The following TENM4 variants were observed in gnomAD, a reference collection of about 807,000 sequenced individuals.
TENM4 encodes the protein teneurin transmembrane protein 4, also known as teneurin-4.
A neutral mutation model predicts 243.3 loss-of-function variants in TENM4; 82 were observed. The ratio of observed to expected loss-of-function variants is 0.34; its 90% CI spans 0.28 to 0.40. TENM4 has a LOEUF of 0.40. TENM4 is among the 10% of genes least tolerant of loss of function. The probability of loss-of-function intolerance (pLI) is 1.00; values close to 1 mark genes in which losing one functional copy is unlikely to be tolerated. For missense variants in TENM4, 3,138 were observed against 3,673.3 expected (o/e 0.85, Z 3.77); for synonymous variants, 1,412 against 1,456.3 (o/e 0.97, Z 0.69).
chr11:79,032,551 T>C (rs1344686344), intron 6 of TENM4, among the ~76,000 whole-genome samples: 1 of 152,174 alleles, frequency 6.6e-6, no homozygotes, highest in African/African-American at 2.4e-5. Flanking sequence ...GTGATAGGCA[T>C]GAATGACGTG....
intron 4 of TENM4, among the ~76,000 whole-genome samples, chr11:79,101,229 A>C (rs1037347550): frequency 5.3e-5 from 8 of 152,246 alleles, no homozygotes; most frequent in Non-Finnish European, 1.2e-4. Flanking sequence ...AGAATATAAA[A>C]AATTTTCATA....
intron 1 of TENM4, among the ~76,000 whole-genome samples, chr11:79,339,436 A>T (rs1373129456): frequency 6.6e-6 from 1 of 152,178 alleles, no homozygotes; most frequent in Non-Finnish European, 1.5e-5. Flanking sequence ...GCAGTTCTGC[A>T]TCCTTCTTTA....
At chr11:78,814,247 AG>A in intron 13 of TENM4, 46 bp downstream of exon 13, 1 of 1,521,802 alleles carries the variant, frequency 6.6e-7, no homozygotes. Context: ...GAGCTGCCTG[AG>A]GGGTCTGGGA....
intron 1 of TENM4, among the ~76,000 whole-genome samples, chr11:79,311,678 A>G (rs1856724087): frequency 6.6e-6 from 1 of 152,010 alleles, no homozygotes; most frequent in Non-Finnish European, 1.5e-5. Flanking sequence ...CTCTCCCATG[A>G]ACCTCCCTCC....
At chr11:78,668,831 A>G (rs1858230173) in intron 32 of TENM4, 106 bp downstream of exon 32, 4 of 1,375,432 alleles carry the variant, frequency 2.9e-6, no homozygotes, top group Non-Finnish European at 3.9e-6. Context: ...AGAGAAAGTC[A>G]GTGTTTCCTG....
chr11:78,854,455 G>A (rs1858624555), intron 11 of TENM4, 141 bp from the exon 12 acceptor site: 1 of 668,812 alleles, frequency 1.5e-6, no homozygotes, highest in East Asian at 3.2e-5. Flanking sequence ...GTGCAGGAAG[G>A]TTGATCAATC....
intron 9 of TENM4, among the ~76,000 whole-genome samples, chr11:78,878,487 C>T (rs1040299723): frequency 1.3e-5 from 2 of 152,152 alleles, no homozygotes; most frequent in Admixed American, 1.3e-4. Flanking sequence ...GAAGTAGCGA[C>T]ACTTGAGCTA....
At chr11:79,416,344 T>C (rs1030987871) in intron 1 of TENM4, among the ~76,000 whole-genome samples, 2 of 152,232 alleles carry the variant, frequency 1.3e-5, no homozygotes, top group South Asian at 4.1e-4. Flanking sequence ...TAGTCTCCTT[T>C]TACATTTCTG....
intron 18 of TENM4, among the ~76,000 whole-genome samples, chr11:78,759,804 A>T (rs1856391524): frequency 6.6e-6 from 1 of 152,206 alleles, no homozygotes; most frequent in Non-Finnish European, 1.5e-5. Context: ...GAGAAAAGGA[A>T]CCAGAGGCTC....
intron 6 of TENM4, among the ~76,000 whole-genome samples, chr11:79,000,130 A>G (rs762961196): frequency 1.3e-5 from 2 of 152,244 alleles, no homozygotes; most frequent in Non-Finnish European, 2.9e-5. Context: ...CTGTCAATGA[A>G]CAATTTTATA....
chr11:79,049,671 A>G (rs1263602538), intron 6 of TENM4, among the ~76,000 whole-genome samples: 1 of 152,248 alleles, frequency 6.6e-6, no homozygotes, highest in Non-Finnish European at 1.5e-5. Context: ...GATTGTACCA[A>G]TAATGAGTGT....
At chr11:79,351,578 G>A (rs962897052) in intron 1 of TENM4, among the ~76,000 whole-genome samples, 1 of 152,054 alleles carries the variant, frequency 6.6e-6, no homozygotes, top group South Asian at 2.1e-4. Context: ...TGATTGGCAG[G>A]CATCTGTAAT....
chr11:78,786,761 C>T, intron 16 of TENM4, 137 bp downstream of exon 16: 1 of 1,255,302 alleles, frequency 8.0e-7, no homozygotes, highest in Non-Finnish European at 1.1e-6. Context: ...AAATGCCAGT[C>T]ATAATACCTC....
chr11:79,403,593 G>A (rs960382678), intron 1 of TENM4, among the ~76,000 whole-genome samples: 4 of 152,114 alleles, frequency 2.6e-5, no homozygotes, highest in African/African-American at 9.7e-5. Flanking sequence ...TTGCAATGCT[G>A]TTCCACTGTC....
intron 20 of TENM4, among the ~76,000 whole-genome samples, chr11:78,736,129 G>GT (rs145802927): frequency 2.0e-5 from 3 of 151,724 alleles, no homozygotes; most frequent in Non-Finnish European, 4.4e-5. Context: ...ATTTTTGTAT[G>GT]TTTTTTTGAT....
intron 12 of TENM4, among the ~76,000 whole-genome samples, chr11:78,822,870 G>A (rs1476622128): frequency 6.6e-6 from 1 of 152,250 alleles, no homozygotes; most frequent in Non-Finnish European, 1.5e-5. Context: ...GCAGAGGGCA[G>A]AGGGGGAGAC....
chr11:78,871,486 C>G (rs188512319), intron 9 of TENM4, among the ~76,000 whole-genome samples: 2 of 152,246 alleles, frequency 1.3e-5, no homozygotes, highest in Admixed American at 6.5e-5. Flanking sequence ...CTCCCAGGTA[C>G]CTACCAACCC....
intron 1 of TENM4, among the ~76,000 whole-genome samples, chr11:79,314,343 T>C (rs117992706): frequency 6.6e-6 from 1 of 152,356 alleles, no homozygotes; most frequent in Non-Finnish European, 1.5e-5. Context: ...GCTATAATAA[T>C]ATTAATAAGA....
At chr11:79,113,969 G>C (rs1161052969) in intron 4 of TENM4, among the ~76,000 whole-genome samples, 1 of 152,114 alleles carries the variant, frequency 6.6e-6, no homozygotes, top group Non-Finnish European at 1.5e-5. Context: ...ATGAAGGGTG[G>C]GGGTTGTGAT....
Sources: gnomAD v4.1 joint callset for allele counts (sites outside exome capture counted in the v4.1 genomes callset) on GRCh38, gnomAD v4.1.1 for gene constraint, MANE v1.5 for transcripts, NCBI Gene and HGNC (gene_info 2026-07-23, HGNC 2026-07-21) for gene names.